Variants in EPHA6 observed in about 807,000 individuals in gnomAD.
The protein encoded by EPHA6 is ephrin type-A receptor 6.
In EPHA6, 50 loss-of-function variants were observed where a neutral mutation model predicts 112.0. The ratio of observed to expected loss-of-function variants is 0.45; its 90% CI spans 0.36 to 0.56. EPHA6 has a LOEUF of 0.56. Among genes scored for constraint, EPHA6 ranks in the 20% least tolerant of loss-of-function variants. The pLI is 0.00. For missense variants in EPHA6, 1,280 were observed against 1,417.4 expected (o/e 0.90, Z 1.56); for synonymous variants, 529 against 490.7 (o/e 1.08, Z -1.03).
chr3:97,142,978 C>CAG (rs1191621015), intron 3 of EPHA6, among the ~76,000 whole-genome samples: 2 of 151,736 alleles, frequency 1.3e-5, no homozygotes, highest in African/African-American at 4.8e-5. Flanking sequence ...GATTCCTAGC[C>CAG]AGAGAAGTTA....
At chr3:97,348,530 G>C (rs1444463352) in intron 5 of EPHA6, among the ~76,000 whole-genome samples, 2 of 151,138 alleles carry the variant, frequency 1.3e-5, no homozygotes, top group African/African-American at 4.8e-5. Flanking sequence ...CTTGAGAATA[G>C]TTATTATTAT....
chr3:96,953,877 CT>C lies in EPHA6; in HGVS notation c.451-33440del, dbSNP rs201760996. Among the ~76,000 whole-genome samples, 171 of 146,516 alleles carry C rather than the reference CT, an allele frequency of 1.2e-3. 1 individual carries two copies. Among genetic ancestry groups the C allele is most frequent in the Middle Eastern group, 3.4e-3 (1 of 290 alleles). Reference sequence around the variant, plus strand: ...CCTTTCCCCTGGACTATTTCAATAACTTTTTTTTTTTTTGAGACATGGTCTG... The same window carrying C: ...CCTTTCCCCTGGACTATTTCAATAACTTTTTTTTTTTTGAGACATGGTCTG... On this transcript the variant is annotated intron_variant, in intron 2 of 17. Transcript: ENST00000389672.
intron 3 of EPHA6, among the ~76,000 whole-genome samples, chr3:97,157,093 T>A (rs1407220318): frequency 6.6e-6 from 1 of 152,164 alleles, no homozygotes; most frequent in Non-Finnish European, 1.5e-5. Flanking sequence ...AATGCCTCAG[T>A]ATCTGTGAAG....
At chr3:97,254,940 T>C (rs1345317605) in intron 5 of EPHA6, among the ~76,000 whole-genome samples, 3 of 152,184 alleles carry the variant, frequency 2.0e-5, no homozygotes, top group African/African-American at 7.2e-5. Context: ...AGGAACACCA[T>C]CAGTAGAACA....
intron 1 of EPHA6, among the ~76,000 whole-genome samples, chr3:96,851,877 A>G (rs980367640): frequency 1.3e-5 from 2 of 152,140 alleles, no homozygotes; most frequent in Non-Finnish European, 2.9e-5. Context: ...TCTTGCAGGG[A>G]CGCAGAAGCG....
chr3:97,185,083 T>A (rs1180731700), intron 3 of EPHA6, among the ~76,000 whole-genome samples: 2 of 151,674 alleles, frequency 1.3e-5, no homozygotes, highest in African/African-American at 4.8e-5. Flanking sequence ...ATTAAAGACT[T>A]CAATGTTAGA....
At position 96,836,322 on chromosome 3, in the gene EPHA6, C is replaced by T. The variant is rs564658901; in HGVS notation, c.385+21314C>T. Among the ~76,000 whole-genome samples, 13 of 152,138 alleles carry T rather than the reference C, an allele frequency of 8.5e-5. No individual in the cohort carries two copies. The South Asian group carries it at 2.5e-3, about 29-fold the overall frequency. ...AATAACCTTTTTCCTAGGTTGGCACCAGACAGATTAACTAGGTTGGCTAAC... is the reference window on the plus strand; with the variant it reads ...AATAACCTTTTTCCTAGGTTGGCACTAGACAGATTAACTAGGTTGGCTAAC... On this transcript the variant is annotated intron_variant, in intron 1 of 17. Coordinates refer to ENST00000389672, the MANE Select transcript of EPHA6 (RefSeq NM_001080448.3).
intron 15 of EPHA6, among the ~76,000 whole-genome samples, chr3:97,728,312 A>G (rs374692266): frequency 6.6e-6 from 1 of 152,026 alleles, no homozygotes. Context: ...TCTTAAGAAC[A>G]TCAGCTTCTT....
intron 14 of EPHA6, among the ~76,000 whole-genome samples, chr3:97,679,597 T>G (rs1200149753): frequency 6.6e-6 from 1 of 152,194 alleles, no homozygotes; most frequent in Non-Finnish European, 1.5e-5. Context: ...CAGTCCCTAG[T>G]CAATCGTTTG....
intron 10 of EPHA6, among the ~76,000 whole-genome samples, chr3:97,507,346 C>G (rs1198768873): frequency 1.3e-5 from 2 of 152,106 alleles, no homozygotes; most frequent in African/African-American, 4.8e-5. Context: ...CCATCAATAC[C>G]TAGTTTATTC....
intron 7 of EPHA6, among the ~76,000 whole-genome samples, chr3:97,463,748 G>A (rs573501242): frequency 6.6e-6 from 1 of 152,238 alleles, no homozygotes; most frequent in South Asian, 2.1e-4. Flanking sequence ...AGAAAGGAAG[G>A]TTACTTAATT....
chr3:97,393,352 G>A (rs939006225), intron 5 of EPHA6, among the ~76,000 whole-genome samples: 4 of 151,768 alleles, frequency 2.6e-5, no homozygotes, highest in African/African-American at 9.7e-5. Context: ...CTAAATAATA[G>A]TCAGTAGATG....
At chr3:97,042,514 C>T (rs536144522) in intron 3 of EPHA6, among the ~76,000 whole-genome samples, 3 of 152,224 alleles carry the variant, frequency 2.0e-5, no homozygotes, top group African/African-American at 7.2e-5. Flanking sequence ...CTTATCTCAG[C>T]CCAAATTATT....
intron 5 of EPHA6, among the ~76,000 whole-genome samples, chr3:97,255,558 T>A (rs1163577227): frequency 6.6e-6 from 1 of 152,212 alleles, no homozygotes; most frequent in Non-Finnish European, 1.5e-5. Flanking sequence ...ATCCATAAAA[T>A]GAAATCTATG....
chr3:97,220,868 T>C (rs547812001), intron 3 of EPHA6, among the ~76,000 whole-genome samples: 1 of 152,262 alleles, frequency 6.6e-6, no homozygotes, highest in South Asian at 2.1e-4. Context: ...TATCTACTAT[T>C]TAGAAATGTA....
chr3:97,662,383 G>A (rs955406300), intron 14 of EPHA6, among the ~76,000 whole-genome samples: 4 of 152,186 alleles, frequency 2.6e-5, no homozygotes, highest in African/African-American at 9.7e-5. Context: ...GCTTGGAGGT[G>A]CCCTAAGAAA....
intron 1 of EPHA6, among the ~76,000 whole-genome samples, chr3:96,861,064 T>G (rs1233844966): frequency 6.6e-6 from 1 of 151,944 alleles, no homozygotes; most frequent in Non-Finnish European, 1.5e-5. Context: ...ACCCGAGTTA[T>G]CCTTTGGTCT....
chr3:97,361,318 C>T (rs1269228550), intron 5 of EPHA6, among the ~76,000 whole-genome samples: 1 of 152,068 alleles, frequency 6.6e-6, no homozygotes, highest in East Asian at 1.9e-4. Context: ...GAGTCTTTTG[C>T]AAAAATGATC....
intron 3 of EPHA6, among the ~76,000 whole-genome samples, chr3:97,113,475 A>T (rs2047784540): frequency 6.6e-6 from 1 of 152,114 alleles, no homozygotes; most frequent in Admixed American, 6.6e-5. Flanking sequence ...TCGACAAGTC[A>T]TAGTTGTGGG....
Sources: allele counts gnomAD v4.1 joint callset (sites outside exome capture counted in the v4.1 genomes callset), GRCh38; gene constraint gnomAD v4.1.1; transcripts MANE v1.5; gene names NCBI Gene and HGNC (gene_info 2026-07-23, HGNC 2026-07-21).